Variants in FHOD3 observed in about 807,000 individuals in gnomAD.
The protein encoded by FHOD3 is FH1/FH2 domain-containing protein 3.
A neutral mutation model predicts 173.0 loss-of-function variants in FHOD3; 90 were observed. That is an observed-to-expected ratio of 0.52 (90% confidence interval 0.44 to 0.62). FHOD3 has a LOEUF of 0.62. Among genes scored for constraint, FHOD3 ranks in the 20% least tolerant of loss-of-function variants. The pLI is 0.00. For synonymous variants in FHOD3, 828 were observed against 823.0 expected (o/e 1.01, Z -0.10); for missense variants, 1,945 against 2,034.7 (o/e 0.96, Z 0.85).
At chr18:36,372,659 T>A in intron 2 of FHOD3, 21 bp from the exon 3 acceptor site, 1 of 1,612,722 alleles carries the variant, frequency 6.2e-7, no homozygotes, top group Non-Finnish European at 8.5e-7. Context: ...GATGCCCCTG[T>A]TTTGTCTCCT....
At chr18:36,506,191 A>G (rs1354342484) in intron 4 of FHOD3, among the ~76,000 whole-genome samples, 1 of 152,244 alleles carries the variant, frequency 6.6e-6, no homozygotes, top group East Asian at 1.9e-4. Context: ...GGATATCCTT[A>G]GATCAATGAG....
At chr18:36,461,371 A>C (rs781560711) in intron 3 of FHOD3, among the ~76,000 whole-genome samples, 3 of 151,872 alleles carry the variant, frequency 2.0e-5, no homozygotes, top group Non-Finnish European at 4.4e-5. Context: ...CTTTTCTATT[A>C]GATTGTTACT....
chr18:36,369,040 G>A (rs536325713), intron 2 of FHOD3, among the ~76,000 whole-genome samples: 6 of 152,228 alleles, frequency 3.9e-5, no homozygotes, highest in Admixed American at 1.3e-4. Flanking sequence ...CTCATCTGGC[G>A]CATGATAAGC....
At chr18:36,401,411 A>G (rs2048805943) in intron 3 of FHOD3, among the ~76,000 whole-genome samples, 1 of 152,202 alleles carries the variant, frequency 6.6e-6, no homozygotes. Flanking sequence ...TTGTTTATGA[A>G]TTACCCAGTC....
At chr18:36,551,304 A>G (rs980551337) in intron 5 of FHOD3, among the ~76,000 whole-genome samples, 3 of 152,080 alleles carry the variant, frequency 2.0e-5, no homozygotes, top group Non-Finnish European at 4.4e-5. Context: ...TATTGCATCT[A>G]TGTCCCTGAC....
At chr18:36,723,582 G>A (rs1354170637) in intron 19 of FHOD3, among the ~76,000 whole-genome samples, 2 of 152,200 alleles carry the variant, frequency 1.3e-5, no homozygotes, top group Non-Finnish European at 2.9e-5. Flanking sequence ...AGCGAGGAGG[G>A]ATGATTTACC....
intron 6 of FHOD3, among the ~76,000 whole-genome samples, chr18:36,578,031 C>T (rs966794726): frequency 5.0e-4 from 76 of 152,146 alleles, no homozygotes; most frequent in African/African-American, 1.7e-3. Context: ...TAGTGGGCAA[C>T]ATGGTCAGAT....
At chr18:36,756,236 C>T (rs2042628205) in intron 25 of FHOD3, among the ~76,000 whole-genome samples, 1 of 152,146 alleles carries the variant, frequency 6.6e-6, no homozygotes, top group Non-Finnish European at 1.5e-5. Context: ...ACTATTTATT[C>T]TTTCTTGAAC....
At chr18:36,603,902 G>A (rs956366430) in intron 8 of FHOD3, among the ~76,000 whole-genome samples, 2 of 152,200 alleles carry the variant, frequency 1.3e-5, no homozygotes, top group Non-Finnish European at 2.9e-5. Context: ...CGAGGTGCAC[G>A]TGTTCCACTG....
At chr18:36,584,323 T>C (rs1402027044) in intron 6 of FHOD3, among the ~76,000 whole-genome samples, 1 of 152,178 alleles carries the variant, frequency 6.6e-6, no homozygotes, top group Non-Finnish European at 1.5e-5. Flanking sequence ...GAAAGATTGT[T>C]TGTCTCTCTC....
intron 3 of FHOD3, among the ~76,000 whole-genome samples, chr18:36,494,619 C>T (rs1281295049): frequency 7.2e-5 from 11 of 152,138 alleles, no homozygotes; most frequent in Non-Finnish European, 4.4e-5. Context: ...AATCAGCCTG[C>T]CCCCAGCTTC....
At chr18:36,736,566 C>G (rs923906899) in intron 20 of FHOD3, among the ~76,000 whole-genome samples, 3 of 152,188 alleles carry the variant, frequency 2.0e-5, no homozygotes, top group African/African-American at 4.8e-5. Context: ...GTCTGGCCAT[C>G]CCCAGCTGCA....
intron 17 of FHOD3, among the ~76,000 whole-genome samples, chr18:36,697,466 T>C (rs756076706): frequency 2.0e-5 from 3 of 152,196 alleles, no homozygotes; most frequent in Non-Finnish European, 4.4e-5. Context: ...ATTATGAGCT[T>C]GATACTCTCC....
intron 10 of FHOD3, among the ~76,000 whole-genome samples, chr18:36,636,595 A>G (rs2034901091): frequency 6.6e-6 from 1 of 151,796 alleles, no homozygotes; most frequent in East Asian, 1.9e-4. Flanking sequence ...ATTATATCAC[A>G]CTTCAGGAGT....
intron 5 of FHOD3, among the ~76,000 whole-genome samples, chr18:36,563,751 G>T (rs187107617): frequency 4.6e-5 from 7 of 152,204 alleles, no homozygotes; most frequent in Non-Finnish European, 8.8e-5. Context: ...CTTTTCTCAT[G>T]CCCTGGAAAC....
intron 17 of FHOD3, among the ~76,000 whole-genome samples, chr18:36,694,972 C>CGTGG (rs1555808785): frequency 8.5e-6 from 1 of 118,066 alleles, no homozygotes; most frequent in Non-Finnish European, 1.8e-5. Flanking sequence ...TTCATGTATA[C>CGTGG]GTGGGTGTGT....
In FHOD3 at chr18:36,446,983, C is replaced by A. The variant is rs190110577; in HGVS notation, c.338-54949C>A. Among the ~76,000 whole-genome samples the A allele has an allele frequency of 2.0e-3, 312 of 152,252 alleles. 1 individual carries two copies. The highest frequency in any genetic ancestry group is 1.5e-3 in the Non-Finnish European group (99 of 68,010). ...CTTGCTGGGGAGGTTGAGGGTGAGG[C>A]CAACAGCCCTTGGATTTTTGCCTAG... On this transcript the variant is annotated intron_variant, in intron 3 of 28. Coordinates refer to ENST00000590592, the MANE Select transcript of FHOD3 (RefSeq NM_001281740.3).
At chr18:36,520,891 C>A (rs2056240158) in intron 5 of FHOD3, among the ~76,000 whole-genome samples, 1 of 152,256 alleles carries the variant, frequency 6.6e-6, no homozygotes, top group South Asian at 2.1e-4. Context: ...TGCCTCCTCA[C>A]TCTGTCCTTC....
chr18:36,759,923 A>G (rs1016878864), intron 26 of FHOD3, among the ~76,000 whole-genome samples: 1 of 152,224 alleles, frequency 6.6e-6, no homozygotes, highest in Non-Finnish European at 1.5e-5. Flanking sequence ...TTTAAAATAT[A>G]TATGTCCTGA....
Sources: gnomAD v4.1 joint callset for allele counts (sites outside exome capture counted in the v4.1 genomes callset) on GRCh38, gnomAD v4.1.1 for gene constraint, MANE v1.5 for transcripts, NCBI Gene and HGNC (gene_info 2026-07-23, HGNC 2026-07-21) for gene names.